The following SUPT3H variants were observed in gnomAD, a reference collection of about 807,000 sequenced individuals.
The protein encoded by SUPT3H is transcription initiation protein SPT3 homolog.
In SUPT3H, 44 loss-of-function variants were observed where a neutral mutation model predicts 44.3. That is an observed-to-expected ratio of 0.99 (90% CI 0.78 to 1.28). SUPT3H has a LOEUF of 1.28. Ranked by LOEUF, SUPT3H falls within the 50% of genes most tolerant of loss-of-function variation. SUPT3H has a pLI of 0.00. For synonymous variants in SUPT3H, 124 were observed against 125.6 expected, an observed-to-expected ratio of 0.99 and a Z score of 0.09; for missense variants, 380 against 387.1, an observed-to-expected ratio of 0.98 and a Z score of 0.15.
At chr6:45,097,502 C>T (rs1435050164) in intron 3 of SUPT3H, 1 of 152,242 alleles carries the variant, frequency 6.6e-6, no homozygotes, top group African/African-American at 2.4e-5. Flanking sequence ...CAAGGCAGCC[C>T]TATGCAGGCT....
intron 10 of SUPT3H, among the ~76,000 whole-genome samples, chr6:44,870,998 T>C (rs377062020): frequency 1.3e-5 from 2 of 150,792 alleles, no homozygotes; most frequent in African/African-American, 4.9e-5. Flanking sequence ...GAGGGTCCTA[T>C]GCCCACGGAA....
At chr6:45,239,593 T>A (rs562528953) in intron 2 of SUPT3H, among the ~76,000 whole-genome samples, 105 of 152,368 alleles carry the variant, frequency 6.9e-4, no homozygotes, top group African/African-American at 2.3e-3. Context: ...TGTACGTGTA[T>A]GTGTGGACAC....
chr6:45,302,558 C>CATATATATATATAT (rs1562914804), intron 2 of SUPT3H, among the ~76,000 whole-genome samples: 11 of 73,714 alleles, frequency 1.5e-4, no homozygotes, highest in South Asian at 4.6e-4. Context: ...TATATATATG[C>CATATATATATATAT]ATGCCACAAT....
chr6:45,223,557 C>T (rs1481003423), intron 2 of SUPT3H, among the ~76,000 whole-genome samples: 1 of 151,564 alleles, frequency 6.6e-6, no homozygotes, highest in African/African-American at 2.4e-5. Context: ...TAAATCATAC[C>T]CTACAAAGCC....
chr6:45,174,960 T>C (rs1209761087), intron 2 of SUPT3H, among the ~76,000 whole-genome samples: 1 of 140,370 alleles, frequency 7.1e-6, no homozygotes, highest in East Asian at 2.0e-4. Context: ...AGAGGATCAC[T>C]TGAGCCCAGG....
chr6:44,946,418 A>G (rs1773350747), intron 9 of SUPT3H, among the ~76,000 whole-genome samples: 2 of 152,194 alleles, frequency 1.3e-5, no homozygotes, highest in African/African-American at 4.8e-5. Flanking sequence ...AATCTTCTGG[A>G]AAGGATTCAT....
chr6:45,134,334 G>A (rs908387287), intron 2 of SUPT3H, among the ~76,000 whole-genome samples: 2 of 152,244 alleles, frequency 1.3e-5, no homozygotes, highest in East Asian at 1.9e-4. Context: ...GCTCAACCTC[G>A]CAATACTGTT....
chr6:45,329,048 G>T (rs1052299732), intron 2 of SUPT3H, among the ~76,000 whole-genome samples: 1 of 151,800 alleles, frequency 6.6e-6, no homozygotes, highest in Admixed American at 6.6e-5. Flanking sequence ...GAGTTATAGA[G>T]GTGAGGATAT....
intron 2 of SUPT3H, among the ~76,000 whole-genome samples, chr6:45,114,220 G>T (rs936632637): frequency 2.0e-5 from 3 of 152,032 alleles, no homozygotes; most frequent in Non-Finnish European, 4.4e-5. Context: ...TGATTGCCTG[G>T]TATGTGCCAG....
chr6:45,372,733 A>AGTGCAAT (rs771992806), intron 1 of SUPT3H, among the ~76,000 whole-genome samples: 2 of 152,080 alleles, frequency 1.3e-5, no homozygotes, highest in Non-Finnish European at 1.5e-5. Context: ...ATCTCAGCTC[A>AGTGCAAT]GTGCAATCTC....
At chr6:44,890,787 G>T (rs1258447087) in intron 10 of SUPT3H, among the ~76,000 whole-genome samples, 1 of 150,146 alleles carries the variant, frequency 6.7e-6, no homozygotes, top group African/African-American at 2.5e-5. Flanking sequence ...AAAAGAAAAT[G>T]TGGCACACAT....
At chr6:45,377,195 T>C (rs889862892) in intron 1 of SUPT3H, 3 of 152,152 alleles carry the variant, frequency 2.0e-5, no homozygotes, top group African/African-American at 7.2e-5. Flanking sequence ...TTAACGTGTA[T>C]TTTCTCATAT....
chr6:45,286,201 C>A (rs1279656634), intron 2 of SUPT3H, among the ~76,000 whole-genome samples: 1 of 151,758 alleles, frequency 6.6e-6, no homozygotes, highest in Non-Finnish European at 1.5e-5. Flanking sequence ...GACTTCATGT[C>A]TAAAACACCA....
intron 2 of SUPT3H, among the ~76,000 whole-genome samples, chr6:45,286,699 C>CGCCAT (rs1320031380): frequency 6.6e-6 from 1 of 152,144 alleles, no homozygotes; most frequent in African/African-American, 2.4e-5. Flanking sequence ...CCTCAGGGAT[C>CGCCAT]TTGAACTGGA....
intron 10 of SUPT3H, among the ~76,000 whole-genome samples, chr6:44,864,656 G>A (rs1165900751): frequency 6.6e-6 from 1 of 152,220 alleles, no homozygotes; most frequent in Non-Finnish European, 1.5e-5. Flanking sequence ...TGAGCTCTGT[G>A]TTGGCCCCTT....
intron 2 of SUPT3H, among the ~76,000 whole-genome samples, chr6:45,201,726 T>A (rs1305663038): frequency 1.3e-5 from 2 of 151,880 alleles, no homozygotes; most frequent in African/African-American, 4.8e-5. Context: ...CCAACAGTCA[T>A]GGACGCCACT....
intron 10 of SUPT3H, among the ~76,000 whole-genome samples, chr6:44,903,357 T>G (rs551210168): frequency 2.7e-5 from 4 of 149,578 alleles, no homozygotes; most frequent in Admixed American, 1.3e-4. Flanking sequence ...ATATTACCAC[T>G]GATCCCACAG....
chr6:45,241,624 C>T (rs950229639), intron 2 of SUPT3H, among the ~76,000 whole-genome samples: 41 of 152,242 alleles, frequency 2.7e-4, no homozygotes, highest in South Asian at 8.3e-4. Context: ...CCACTCCACA[C>T]GCTATATTTG....
chr6:45,079,333 C>T (rs1286822200), intron 3 of SUPT3H, among the ~76,000 whole-genome samples: 3 of 149,238 alleles, frequency 2.0e-5, no homozygotes, highest in South Asian at 4.2e-4. Context: ...CCAAACCACA[C>T]TCAGCAAAAA....
Sources: allele counts gnomAD v4.1 joint callset (sites outside exome capture counted in the v4.1 genomes callset), GRCh38; gene constraint gnomAD v4.1.1; transcripts MANE v1.5; gene names NCBI Gene and HGNC (gene_info 2026-07-23, HGNC 2026-07-21).